The following UTS2 variants were observed in gnomAD, a reference collection of about 807,000 sequenced individuals.
UTS2 encodes urotensin-2.
A neutral mutation model predicts 12.6 loss-of-function variants in UTS2; 10 were observed. The observed-to-expected ratio is 0.80, with a 90% confidence interval of 0.49 to 1.35. UTS2 has a LOEUF of 1.35. UTS2 is among the 40% of genes most tolerant of loss of function. The pLI is 0.00. For missense variants in UTS2, 142 were observed against 143.2 expected, an observed-to-expected ratio of 0.99 and a Z score of 0.04; for synonymous variants, 52 against 50.0, an observed-to-expected ratio of 1.04 and a Z score of -0.17.
At chr1:7,870,099 C>T in the UTS2 span, among the ~76,000 whole-genome samples, 22 of 152,262 alleles carry the variant, frequency 1.4e-4, no homozygotes, top group Admixed American at 2.0e-4. Flanking sequence ...AATGGAAAAT[C>T]GCTGTTACGT....
At chr1:7,871,595 G>A in the UTS2 span, among the ~76,000 whole-genome samples, 1 of 151,990 alleles carries the variant, frequency 6.6e-6, no homozygotes, top group Non-Finnish European at 1.5e-5. Flanking sequence ...TTAAATTGAA[G>A]GTCTGTGGCA....
At chr1:7,854,524 AAAAAGAAGAAAG>A (rs2151384581), upstream of UTS2, among the ~76,000 whole-genome samples, 1 of 8,820 alleles carries the variant, frequency 1.1e-4, no homozygotes, top group African/African-American at 1.2e-3. Flanking sequence ...AAAAAAAAAA[AAAAAGAAGAAAG>A]AAAAGTGGTT....
At position 7,852,946 on chromosome 1, in the gene UTS2, A is replaced by G. The variant is rs780915698; in HGVS notation, c.58T>C (p.Ser20Pro). Residue 20 changes from serine to proline, a missense_variant, in exon 1 of 4, where the codon TCT (serine) becomes CCT (proline). By Grantham distance (74) the Ser-to-Pro change is moderately conservative. Coordinates refer to ENST00000361696, the MANE Select transcript of UTS2 (RefSeq NM_006786.4). ...LFIGFLNPLL[S>P]LPLLDSREIS... ...TCCCTGGAGTCAAGGAGAGGAAGAGATAAGAGAGGATTTAAGAATCCTATG... is the reference window on the plus strand; with the variant it reads ...TCCCTGGAGTCAAGGAGAGGAAGAGGTAAGAGAGGATTTAAGAATCCTATG... 9.3e-6 allele frequency: 15 copies of G among 1,613,432 alleles called. No individual in the cohort carries two copies. Among genetic ancestry groups the G allele is most frequent in the Admixed American group, 1.7e-5 (1 of 59,914 alleles).
chr1:7,863,127 T>TGTATTGTTTTGTATTGTATTG, the UTS2 span, among the ~76,000 whole-genome samples: 1 of 150,386 alleles, frequency 6.6e-6, no homozygotes, highest in Non-Finnish European at 1.5e-5. Context: ...TGTATTGTAT[T>TGTATTGTTTTGTATTGTATTG]TGAGACGAAG....
At chr1:7,865,899 G>T in the UTS2 span, among the ~76,000 whole-genome samples, 1 of 152,166 alleles carries the variant, frequency 6.6e-6, no homozygotes, top group African/African-American at 2.4e-5. Context: ...TTGTACCACT[G>T]CACTCAGCCT....
the UTS2 span, among the ~76,000 whole-genome samples, chr1:7,876,930 G>T: frequency 6.6e-6 from 1 of 151,904 alleles, no homozygotes; most frequent in Admixed American, 6.6e-5. Flanking sequence ...AGGAGATCGA[G>T]ACCATCCTGG....
the UTS2 span, among the ~76,000 whole-genome samples, chr1:7,890,124 TAAA>T: frequency 1.5e-5 from 2 of 135,546 alleles, no homozygotes. Flanking sequence ...AGCCTCCATC[TAAA>T]AAAAAAAAAA....
chr1:7,898,780 G>GT, the UTS2 span, among the ~76,000 whole-genome samples: 3 of 152,142 alleles, frequency 2.0e-5, no homozygotes, highest in Non-Finnish European at 2.9e-5. Context: ...GCTAGGGACA[G>GT]TTTTTTTCAA....
At chr1:7,893,616 G>A in the UTS2 span, among the ~76,000 whole-genome samples, 23 of 152,298 alleles carry the variant, frequency 1.5e-4, no homozygotes, top group South Asian at 4.4e-3. Flanking sequence ...TTGCCATGTG[G>A]ACGACAAACA....
At chr1:7,892,700 C>T in the UTS2 span, among the ~76,000 whole-genome samples, 40,121 of 151,260 alleles carry the variant, frequency 0.27, 6,264 homozygotes, top group Non-Finnish European at 0.34. Context: ...TTGCCCAGAC[C>T]GGTCTCAAAC....
At chr1:7,889,442 CA>C in the UTS2 span, among the ~76,000 whole-genome samples, 1,607 of 85,372 alleles carry the variant, frequency 0.019, 23 homozygotes, top group African/African-American at 0.055. Context: ...ATCTTATCAC[CA>C]AAAAAAAAAA....
At chr1:7,895,968 T>A in the UTS2 span, among the ~76,000 whole-genome samples, 1 of 152,186 alleles carries the variant, frequency 6.6e-6, no homozygotes, top group African/African-American at 2.4e-5. Context: ...AGATGCAACA[T>A]GCACCTTTAT....
the UTS2 span, among the ~76,000 whole-genome samples, chr1:7,875,922 A>C: frequency 6.6e-6 from 1 of 152,134 alleles, no homozygotes; most frequent in African/African-American, 2.4e-5. Context: ...GCACCCATGC[A>C]TGCCAGAAGG....
At chr1:7,857,722 C>T (rs935969000), upstream of UTS2, among the ~76,000 whole-genome samples, 4 of 151,818 alleles carry the variant, frequency 2.6e-5, no homozygotes, top group Non-Finnish European at 4.4e-5. Flanking sequence ...AGTAGTTGTG[C>T]ACCTGTGGTC....
At chr1:7,886,101 C>T in the UTS2 span, among the ~76,000 whole-genome samples, 9,382 of 129,438 alleles carry the variant, frequency 0.072, 396 homozygotes, top group Middle Eastern at 0.14. Context: ...TGGATCTGTG[C>T]CCTACCCGGT....
chr1:7,906,768 C>G, the UTS2 span, among the ~76,000 whole-genome samples: 1 of 152,148 alleles, frequency 6.6e-6, no homozygotes, highest in Non-Finnish European at 1.5e-5. Flanking sequence ...ACCACGAACA[C>G]GGGCAGTAGG....
At chr1:7,849,946 C>T (rs1204588303) in intron 2 of UTS2, among the ~76,000 whole-genome samples, 1 of 150,380 alleles carries the variant, frequency 6.6e-6, no homozygotes, top group Non-Finnish European at 1.5e-5. Flanking sequence ...GTCTATTAAA[C>T]AATACCTATC....
chr1:7,882,451 A>G, the UTS2 span, among the ~76,000 whole-genome samples: 2 of 152,194 alleles, frequency 1.3e-5, no homozygotes, highest in Non-Finnish European at 2.9e-5. Flanking sequence ...AAAGACTTAA[A>G]TGTTAAGACC....
At chr1:7,898,954 G>A in the UTS2 span, among the ~76,000 whole-genome samples, 1 of 152,128 alleles carries the variant, frequency 6.6e-6, no homozygotes, top group Admixed American at 6.6e-5. Flanking sequence ...AAGAAAAGAG[G>A]TTGAATTGGC....
Sources: allele counts gnomAD v4.1 joint callset (sites outside exome capture counted in the v4.1 genomes callset), GRCh38; gene constraint gnomAD v4.1.1; transcripts MANE v1.5; gene names NCBI Gene and HGNC (gene_info 2026-07-23, HGNC 2026-07-21).